The following TM4SF19 variants were observed in gnomAD, a reference collection of about 807,000 sequenced individuals.
TM4SF19 encodes transmembrane 4 L6 family member 19.
A neutral mutation model predicts 21.8 loss-of-function variants in TM4SF19; 17 were observed. The observed-to-expected ratio is 0.78, with a 90% CI of 0.53 to 1.17. The LOEUF (loss-of-function observed/expected upper bound fraction) is 1.17, where lower values mean the gene tolerates loss of function less well. Ranked by LOEUF, TM4SF19 falls within the 50% of genes most tolerant of loss-of-function variation. The pLI, the probability that TM4SF19 is intolerant of heterozygous loss-of-function variation, is 0.00. For missense variants in TM4SF19, 216 were observed against 252.1 expected (o/e 0.86, Z 0.97); for synonymous variants, 107 against 106.7 (o/e 1.00, Z -0.02).
At chr3:196,324,461 C>T (rs1727204231) in intron 3 of TM4SF19, 21 bp from the exon 4 acceptor site, 1 of 1,613,042 alleles carries the variant, frequency 6.2e-7, no homozygotes, top group Non-Finnish European at 8.5e-7. Flanking sequence ...AGGAGAAACA[C>T]TGAGCTAAGA....
Position 196,327,420 on chromosome 3 carries a change from C to T in TM4SF19, c.171G>A (p.Leu57=). The T allele has an allele frequency of 6.2e-7, 1 of 1,614,162 alleles. No individual in the cohort carries two copies. The highest frequency in any genetic ancestry group is 1.1e-5 in the South Asian group (1 of 91,092). Residue 57 remains leucine, a synonymous_variant, in exon 2 of 5, where the codon CTG becomes CTA. Transcript: ENST00000273695. ...GGCCTCCTCCCCAGAGCCCAGTTCC[C>T]AGCATGGCATGCCTGCCAAGGAGGC... is the stretch of plus-strand genomic sequence containing the variant. ...LRGLLGRHAM[L]GTGLWGGGLM... is the part of the protein sequence containing the mutation.
intron 4 of TM4SF19, 109 bp from the exon 5 acceptor site, chr3:196,324,106 C>T (rs1368305318): frequency 6.8e-7 from 1 of 1,463,808 alleles, no homozygotes; most frequent in Non-Finnish European, 9.4e-7. Flanking sequence ...TGGGACTGGG[C>T]TCATGAGGGT....
chr3:196,337,838 G>A, intron 1 of TM4SF19, among the ~76,000 whole-genome samples: 1 of 151,832 alleles, frequency 6.6e-6, no homozygotes, highest in Non-Finnish European at 1.5e-5. Context: ...CTCTCCCTCT[G>A]CCTTAAACCC....
rs2056168754 is a variant in TM4SF19, at chr3:196,325,746, C to T, written c.279+1209G>A. On this transcript the variant is annotated intron_variant, in intron 3 of 4. Transcript: ENST00000273695. This position sits in a 1 kb window ranked among gnomAD's most constrained non-coding sequence, Gnocchi z 4.3. ...GGCAGTGGTTCCCAAAATGGGGTCC[C>T]TGCCCAGCCGCATCACATCACCTGA... 6.6e-6 allele frequency among the ~76,000 whole-genome samples: 1 copy of T among 152,064 alleles called. No individual in the cohort carries two copies. The highest frequency in any genetic ancestry group is 2.4e-5 in the African/African-American group (1 of 41,398).
chr3:196,326,894 C>T (rs1401082444), intron 3 of TM4SF19, 61 bp downstream of exon 3: 2 of 1,474,108 alleles, frequency 1.4e-6, no homozygotes, highest in Non-Finnish European at 9.4e-7. Context: ...TACCGCCCTG[C>T]CTCTAGAGTA....
chr3:196,334,779 C>T (rs1727656893), intron 1 of TM4SF19, among the ~76,000 whole-genome samples: 1 of 148,024 alleles, frequency 6.8e-6, no homozygotes, highest in Non-Finnish European at 1.5e-5. Context: ...GTAAAGAAGA[C>T]AAGGGGAGGG....
chr3:196,326,184 A>C (rs1407021189), intron 3 of TM4SF19, among the ~76,000 whole-genome samples: 1 of 152,088 alleles, frequency 6.6e-6, no homozygotes, highest in Non-Finnish European at 1.5e-5. Flanking sequence ...CATGTTGGCC[A>C]GGCTGGTCTC....
At chr3:196,324,060 C>T (rs764082331) in intron 4 of TM4SF19, 63 bp from the exon 5 acceptor site, 2 of 1,582,732 alleles carry the variant, frequency 1.3e-6, no homozygotes, top group Non-Finnish European at 1.7e-6. Context: ...AACAGGCAAC[C>T]CCAGTAGAAA....
intron 1 of TM4SF19, among the ~76,000 whole-genome samples, chr3:196,333,847 A>G (rs1727617101): frequency 6.6e-6 from 1 of 152,222 alleles, no homozygotes; most frequent in Admixed American, 6.5e-5. Context: ...GGATCACTTG[A>G]GGTCAGGAGT....
At chr3:196,335,525 G>C (rs1229781387) in intron 1 of TM4SF19, among the ~76,000 whole-genome samples, 5 of 148,226 alleles carry the variant, frequency 3.4e-5, no homozygotes, top group African/African-American at 1.0e-4. Context: ...GAGAGGTGGG[G>C]TGCCCTGAGA....
chr3:196,323,998 C>G lies in TM4SF19; in HGVS notation c.450-1G>C, dbSNP rs1467587349. Reference sequence around the variant, plus strand: ...GAGCGAACGGTCATACAGATAATTCCTATCCCAAAAAATAAGGAGACCAGG... The same window carrying G: ...GAGCGAACGGTCATACAGATAATTCGTATCCCAAAAAATAAGGAGACCAGG... On this transcript the variant is annotated splice_acceptor_variant, in intron 4 of 4. Transcript: ENST00000273695. LOFTEE classifies it high-confidence loss of function. 1.2e-6 allele frequency: 2 copies of G among 1,613,692 alleles called. No homozygotes were observed. Among genetic ancestry groups the G allele is most frequent in the African/African-American group, 2.7e-5 (2 of 74,902 alleles).
chr3:196,333,828 G>A (rs1413549167), intron 1 of TM4SF19, among the ~76,000 whole-genome samples: 1 of 152,198 alleles, frequency 6.6e-6, no homozygotes, highest in Admixed American at 6.5e-5. Flanking sequence ...GTGGGAGGCC[G>A]AGGCGGGTGG....
intron 1 of TM4SF19, among the ~76,000 whole-genome samples, chr3:196,336,145 G>T (rs948693135): frequency 5.4e-5 from 8 of 147,350 alleles, no homozygotes; most frequent in Admixed American, 2.7e-4. Flanking sequence ...TTTGTTTTTT[G>T]TTTTTTTTTT....
chr3:196,332,268 T>G (rs55673262), intron 1 of TM4SF19, among the ~76,000 whole-genome samples: 52,984 of 150,004 alleles, frequency 0.35, 10,297 homozygotes, highest in East Asian at 0.81. Context: ...AAAAAAAAAT[T>G]AACTGCGTGG....
chr3:196,324,701 G>A (rs1218377697), intron 3 of TM4SF19: 14 of 460,804 alleles, frequency 3.0e-5, no homozygotes, highest in Non-Finnish European at 3.9e-5. Flanking sequence ...AAGCAGAATC[G>A]CAGGCCCCGG....
intron 1 of TM4SF19, among the ~76,000 whole-genome samples, chr3:196,332,244 G>A (rs994862663): frequency 6.6e-6 from 1 of 151,108 alleles, no homozygotes; most frequent in Middle Eastern, 3.2e-3. Context: ...AAGAGAGTGA[G>A]ATTCGGTCTC....
chr3:196,332,478 G>A (rs1376958136), intron 1 of TM4SF19, among the ~76,000 whole-genome samples: 1 of 146,652 alleles, frequency 6.8e-6, no homozygotes, highest in Non-Finnish European at 1.5e-5. Flanking sequence ...GAAGGAAAGA[G>A]GAAGGGGAAG....
Position 196,323,746 on chromosome 3 carries a change from A to C in TM4SF19, c.*71T>G. The C allele has an allele frequency of 1.2e-6, 2 of 1,612,918 alleles. No homozygotes were observed. Among genetic ancestry groups the C allele is most frequent in the Non-Finnish European group, 8.5e-7 (1 of 1,179,474 alleles). On this transcript the variant is annotated 3_prime_UTR_variant, in exon 5 of 5. Coordinates refer to ENST00000273695, the MANE Select transcript of TM4SF19 (RefSeq NM_138461.4). ...GGAAGTTTGTTTATAATTCGTACCC[A>C]CTCCTTGTAGAAAGGATTCAAGACA...
At chr3:196,337,624 C>A (rs1287665556) in intron 1 of TM4SF19, among the ~76,000 whole-genome samples, 1 of 152,154 alleles carries the variant, frequency 6.6e-6, no homozygotes, top group African/African-American at 2.4e-5. Context: ...AGTGAGCATG[C>A]GCACGACTTC....
Sources: gnomAD v4.1 joint callset for allele counts (sites outside exome capture counted in the v4.1 genomes callset) on GRCh38, gnomAD v4.1.1 for gene constraint, Gnocchi (gnomAD v3.1) non-coding constraint, MANE v1.5 for transcripts, NCBI Gene and HGNC (gene_info 2026-07-23, HGNC 2026-07-21) for gene names.